MITF: variants seen among roughly 807,000 people sequenced by gnomAD.
MITF encodes melanocyte inducing transcription factor.
Under a neutral mutation model 60.5 loss-of-function variants are expected in MITF, and 17 were observed. The ratio of observed to expected loss-of-function variants is 0.28; its 90% confidence interval spans 0.19 to 0.42. The LOEUF (loss-of-function observed/expected upper bound fraction) is 0.42. MITF is among the 10% of genes least tolerant of loss of function. MITF has a pLI of 1.00. For missense variants in MITF, 622 were observed against 683.5 expected (o/e 0.91, Z 1.00); for synonymous variants, 260 against 248.5 (o/e 1.05, Z -0.43).
intron 1 of MITF, among the ~76,000 whole-genome samples, chr3:69,849,920 T>A (rs770914135): frequency 1.3e-5 from 2 of 152,346 alleles, no homozygotes; most frequent in Admixed American, 1.3e-4. Context: ...TTTGTTCTTA[T>A]CTTAATCAAA....
chr3:69,907,158 A>T (rs1325204598), intron 2 of MITF, among the ~76,000 whole-genome samples: 2 of 152,076 alleles, frequency 1.3e-5, no homozygotes, highest in Admixed American at 1.3e-4. Flanking sequence ...ATGCTACAGT[A>T]CCTTTGGTAC....
intron 1 of MITF, among the ~76,000 whole-genome samples, chr3:69,870,505 G>A (rs919047127): frequency 1.3e-5 from 2 of 148,964 alleles, no homozygotes; most frequent in South Asian, 2.1e-4. Context: ...CGGGATATCC[G>A]CTCACTGCAA....
intron 2 of MITF, among the ~76,000 whole-genome samples, chr3:69,910,541 A>G (rs1305255178): frequency 6.6e-6 from 1 of 152,224 alleles, no homozygotes; most frequent in Non-Finnish European, 1.5e-5. Flanking sequence ...GAAAACAGTC[A>G]GGAGGGAGGC....
At chr3:69,754,027 T>C (rs1000336617) in intron 1 of MITF, among the ~76,000 whole-genome samples, 3 of 152,120 alleles carry the variant, frequency 2.0e-5, no homozygotes, top group Non-Finnish European at 4.4e-5. Flanking sequence ...AATGATATGG[T>C]TTGAATCTGT....
At chr3:69,861,951 T>G (rs996279388) in intron 1 of MITF, among the ~76,000 whole-genome samples, 2 of 152,116 alleles carry the variant, frequency 1.3e-5, no homozygotes, top group African/African-American at 4.8e-5. Flanking sequence ...AGAATTAAAA[T>G]GTATGAGTAA....
chr3:69,819,836 A>C lies in MITF; in HGVS notation c.105-59298A>C, dbSNP rs550926546. Among the ~76,000 whole-genome samples the C allele has an allele frequency of 4.6e-5, 7 of 152,234 alleles. No individual in the cohort carries two copies. In the East Asian group the frequency reaches 1.2e-3, roughly 25 times the overall value. ...CAAAAAAAGCTGGGAGTGATGGTGC[A>C]TGCCTGTATTCCCAGCTACCTGGGA... On this transcript the variant is annotated intron_variant, in intron 1 of 9. Transcript: ENST00000352241.
chr3:69,815,327 G>T (rs564302239), intron 1 of MITF, among the ~76,000 whole-genome samples: 1 of 152,180 alleles, frequency 6.6e-6, no homozygotes, highest in African/African-American at 2.4e-5. Context: ...GACAACACAG[G>T]TCTGAACTGC....
intron 1 of MITF, among the ~76,000 whole-genome samples, chr3:69,795,123 T>C (rs996505794): frequency 1.3e-5 from 2 of 152,184 alleles, no homozygotes; most frequent in African/African-American, 2.4e-5. Context: ...TACCTGGGAG[T>C]GGAATGGTTA....
intron 2 of MITF, among the ~76,000 whole-genome samples, chr3:69,886,360 A>T (rs899058739): frequency 3.3e-5 from 5 of 152,106 alleles, no homozygotes; most frequent in African/African-American, 1.2e-4. Flanking sequence ...TGAACACTTC[A>T]GGTCTTTTAG....
At chr3:69,763,761 T>C (rs996549637) in intron 1 of MITF, 1 of 1,359,790 alleles carries the variant, frequency 7.4e-7, no homozygotes, top group East Asian at 3.6e-5. Context: ...TCCTCTCCTT[T>C]TGCTTCTGAC....
intron 2 of MITF, among the ~76,000 whole-genome samples, chr3:69,933,616 C>T (rs2065770288): frequency 6.6e-6 from 1 of 152,042 alleles, no homozygotes; most frequent in Non-Finnish European, 1.5e-5. Context: ...AGATAGCTAG[C>T]ATAATTTATA....
intron 4 of MITF, among the ~76,000 whole-genome samples, chr3:69,940,245 A>G (rs2065938655): frequency 6.6e-6 from 1 of 152,152 alleles, no homozygotes; most frequent in Non-Finnish European, 1.5e-5. Flanking sequence ...ACCCAAACCT[A>G]TGAATTTTGG....
chr3:69,796,494 C>CTTTTTTTTTTTTTTTTTTTTTTTT (rs767834091), intron 1 of MITF, among the ~76,000 whole-genome samples: 1 of 80,328 alleles, frequency 1.2e-5, no homozygotes, highest in Admixed American at 1.5e-4. Flanking sequence ...CACCGTCTTT[C>CTTTTTTTTTTTTTTTTTTTTTTTT]TTTTTTTTTT....
intron 1 of MITF, among the ~76,000 whole-genome samples, chr3:69,744,874 G>C (rs1402093138): frequency 6.6e-6 from 1 of 152,022 alleles, no homozygotes; most frequent in African/African-American, 2.4e-5. Context: ...TTTGACATTA[G>C]TGTATCCATA....
chr3:69,779,810 A>G (rs1428147679), intron 1 of MITF, among the ~76,000 whole-genome samples: 1 of 152,188 alleles, frequency 6.6e-6, no homozygotes, highest in Non-Finnish European at 1.5e-5. Flanking sequence ...ACCCAGTAGT[A>G]ACATTTAGTA....
intron 2 of MITF, among the ~76,000 whole-genome samples, chr3:69,921,645 A>G (rs2065470370): frequency 6.6e-6 from 1 of 152,198 alleles, no homozygotes; most frequent in Non-Finnish European, 1.5e-5. Flanking sequence ...TTGCATGTCA[A>G]GACAAGATGT....
chr3:69,767,715 G>T (rs994738675), intron 1 of MITF, among the ~76,000 whole-genome samples: 2 of 152,202 alleles, frequency 1.3e-5, no homozygotes, highest in Non-Finnish European at 2.9e-5. Context: ...GTCTAAGCAC[G>T]GAGTGTGGCT....
intron 2 of MITF, among the ~76,000 whole-genome samples, chr3:69,917,913 C>T (rs1287677431): frequency 6.6e-6 from 1 of 152,128 alleles, no homozygotes; most frequent in Non-Finnish European, 1.5e-5. Flanking sequence ...TTGGGGACCA[C>T]ATTAAAATTC....
chr3:69,955,360 A>ATAT (rs1176147891), intron 7 of MITF, among the ~76,000 whole-genome samples: 2 of 152,228 alleles, frequency 1.3e-5, no homozygotes, highest in Non-Finnish European at 2.9e-5. Flanking sequence ...TGGATTTAAG[A>ATAT]AAATGTTAAT....
Sources: allele counts gnomAD v4.1 joint callset (sites outside exome capture counted in the v4.1 genomes callset), GRCh38; gene constraint gnomAD v4.1.1; transcripts MANE v1.5; gene names NCBI Gene and HGNC (gene_info 2026-07-23, HGNC 2026-07-21).